The following KIAA1671 variants were observed in gnomAD, a reference collection of about 807,000 sequenced individuals.
KIAA1671 encodes the protein KIAA1671.
KIAA1671 carries 52 observed loss-of-function variants against 131.2 expected under a neutral mutation model. The observed-to-expected ratio is 0.40, with a 90% CI of 0.32 to 0.50. The LOEUF (loss-of-function observed/expected upper bound fraction) is 0.50, where lower values mean the gene tolerates loss of function less well. Among genes scored for constraint, KIAA1671 ranks in the 20% least tolerant of loss-of-function variants. The probability of loss-of-function intolerance (pLI) is 0.73; values close to 1 mark genes in which losing one functional copy is unlikely to be tolerated. For missense variants in KIAA1671, 2,360 were observed against 2,364.2 expected (o/e 1.00, Z 0.04); for synonymous variants, 1,003 against 961.6 (o/e 1.04, Z -0.80).
intron 6 of KIAA1671, among the ~76,000 whole-genome samples, chr22:25,123,478 T>TACC (rs1376246263): frequency 6.6e-6 from 1 of 152,106 alleles, no homozygotes; most frequent in Non-Finnish European, 1.5e-5. Flanking sequence ...AGGCGTGAGC[T>TACC]ACCGTGCCCG....
At chr22:24,967,969 G>A (rs1453113031) in intron 1 of KIAA1671, among the ~76,000 whole-genome samples, 1 of 152,114 alleles carries the variant, frequency 6.6e-6, no homozygotes, top group Non-Finnish European at 1.5e-5. Flanking sequence ...CTCCAGCCTG[G>A]GCGACAGAGT....
chr22:25,119,048 C>G (rs1931814127), intron 6 of KIAA1671, among the ~76,000 whole-genome samples: 8 of 152,186 alleles, frequency 5.3e-5, no homozygotes, highest in Admixed American at 5.2e-4. Context: ...CTGGTTTATT[C>G]TCTGACTCCT....
chr22:25,077,457 C>T (rs1033940251), intron 6 of KIAA1671, among the ~76,000 whole-genome samples: 1 of 152,184 alleles, frequency 6.6e-6, no homozygotes, highest in African/African-American at 2.4e-5. Context: ...CCTCCTGTCC[C>T]ATGCTCTTCC....
intron 6 of KIAA1671, among the ~76,000 whole-genome samples, chr22:25,069,563 G>C (rs963281157): frequency 1.5e-4 from 22 of 151,604 alleles, no homozygotes; most frequent in Non-Finnish European, 2.6e-4. Context: ...GGGAGGCCTG[G>C]GTTCCAGCCT....
intron 6 of KIAA1671, among the ~76,000 whole-genome samples, chr22:25,093,792 C>T (rs8139005): frequency 2.0e-5 from 2 of 101,198 alleles, no homozygotes; most frequent in Non-Finnish European, 4.3e-5. Context: ...CTCTCTCTCT[C>T]TCTCTCTCTC....
intron 1 of KIAA1671, among the ~76,000 whole-genome samples, chr22:25,003,691 C>T (rs1049145153): frequency 2.6e-5 from 4 of 152,010 alleles, no homozygotes; most frequent in African/African-American, 9.7e-5. Context: ...GGATTACAGG[C>T]GTGAACCACT....
intron 1 of KIAA1671, among the ~76,000 whole-genome samples, chr22:24,983,971 T>C (rs1198236531): frequency 1.3e-5 from 2 of 151,770 alleles, no homozygotes; most frequent in African/African-American, 4.8e-5. Context: ...AGAGATGGGG[T>C]GTCTCCATGT....
chr22:25,042,663 C>T (rs1023212861), intron 5 of KIAA1671, among the ~76,000 whole-genome samples: 32 of 151,340 alleles, frequency 2.1e-4, no homozygotes, highest in African/African-American at 6.3e-4. Flanking sequence ...TTAGTAGAGA[C>T]GGGGTTTCAC....
rs1812448387 is a variant in KIAA1671 at position 25,039,322 on chromosome 22, C to A, written c.2192C>A (p.Pro731His). Residue 731 changes from proline to histidine, a missense_variant, in exon 5 of 13, where the codon CCC becomes CAC. Physicochemically the swap from Pro to His is moderately conservative, Grantham distance 77. Around this residue, in one of 3 missense-constraint regions of KIAA1671, gnomAD observed 1,185 missense variants for 1,126.2 expected, o/e 1.05. Coordinates refer to ENST00000358431, the MANE Select transcript of KIAA1671 (RefSeq NM_001145206.2). ...CCTCCCACATCGCAGAGAATTGAGCCCAGATATGACATTGTGCATGCAGTG... is the reference window on the plus strand; with the variant it reads ...CCTCCCACATCGCAGAGAATTGAGCACAGATATGACATTGTGCATGCAGTG... ...ENPPTSQRIE[P>H]RYDIVHAVGE... 1.3e-6 allele frequency: 2 copies of A among 1,551,934 alleles called. No individual in the cohort carries two copies. Among genetic ancestry groups the A allele is most frequent in the South Asian group, 2.4e-5 (2 of 84,072 alleles).
intron 8 of KIAA1671, 174 bp from the exon 9 acceptor site, chr22:25,177,174 G>C (rs1934061908): frequency 1.6e-6 from 1 of 633,720 alleles, no homozygotes; most frequent in African/African-American, 1.8e-5. Flanking sequence ...TGTTTTATGG[G>C]GAAATTTAGG....
intron 6 of KIAA1671, among the ~76,000 whole-genome samples, chr22:25,086,011 A>G (rs755554508): frequency 2.0e-5 from 3 of 152,186 alleles, no homozygotes; most frequent in Admixed American, 6.5e-5. Flanking sequence ...AGGAGTTTCC[A>G]TCAATGAATG....
intron 6 of KIAA1671, among the ~76,000 whole-genome samples, chr22:25,088,928 C>G (rs1929876670): frequency 6.6e-6 from 1 of 152,176 alleles, no homozygotes; most frequent in Non-Finnish European, 1.5e-5. Flanking sequence ...CCCTTTGTAT[C>G]CATGGTTTCC....
chr22:25,018,316 G>A (rs1304139250), intron 1 of KIAA1671, among the ~76,000 whole-genome samples: 5 of 152,142 alleles, frequency 3.3e-5, no homozygotes, highest in African/African-American at 9.6e-5. Context: ...GCCCCCCGAC[G>A]TGGTAATTAG....
intron 6 of KIAA1671, among the ~76,000 whole-genome samples, chr22:25,105,737 G>A (rs1930965373): frequency 6.6e-6 from 1 of 151,330 alleles, no homozygotes; most frequent in African/African-American, 2.4e-5. Flanking sequence ...CTGCCATTTG[G>A]TCTCTGCTTT....
Position 25,195,798 on chromosome 22 carries a change from C to A in KIAA1671, c.*3397C>A, listed in dbSNP as rs978247729. 1.3e-5 allele frequency: 2 copies of A among 151,780 alleles called. No homozygotes were observed. The highest frequency in any genetic ancestry group is 4.8e-5 in the African/African-American group (2 of 41,410). The allele number at this position is 151,780 out of a possible 1,614,324, so 9.4% of individuals were successfully genotyped here. A position where few individuals can be genotyped will look rare whatever the true frequency, so the allele number is the denominator to read the frequency against. On this transcript the variant is annotated 3_prime_UTR_variant, in exon 13 of 13. Transcript: ENST00000358431. ...AGTCGTAATTGCAAACTGTAAAAAT[C>A]CCTCCTCCCCAGTGTAGATATTTAA...
chr22:24,990,213 C>G (rs1344970542), intron 1 of KIAA1671, among the ~76,000 whole-genome samples: 1 of 152,136 alleles, frequency 6.6e-6, no homozygotes, highest in African/African-American at 2.4e-5. Flanking sequence ...GCCTCAGCCT[C>G]CCAAGTAGCT....
chr22:24,980,874 G>A (rs1333526744), intron 1 of KIAA1671, among the ~76,000 whole-genome samples: 1 of 151,946 alleles, frequency 6.6e-6, no homozygotes, highest in African/African-American at 2.4e-5. Context: ...AGCCTCCTGA[G>A]TAGCTGGGAT....
intron 6 of KIAA1671, chr22:25,052,249 G>A (rs1927572046): frequency 6.6e-6 from 1 of 152,350 alleles, no homozygotes; most frequent in African/African-American, 2.4e-5. Flanking sequence ...GCTCAGCCCG[G>A]GGTTGGCCAT....
At chr22:25,110,729 T>C (rs931009359) in intron 6 of KIAA1671, among the ~76,000 whole-genome samples, 4 of 152,118 alleles carry the variant, frequency 2.6e-5, no homozygotes, top group Admixed American at 2.6e-4. Context: ...CAGTGGGTGT[T>C]AGGGTCTAGT....
Sources: allele counts gnomAD v4.1 joint callset (sites outside exome capture counted in the v4.1 genomes callset), GRCh38; gene constraint gnomAD v4.1.1; regional missense constraint gnomAD v4.1.1; transcripts MANE v1.5; gene names NCBI Gene and HGNC (gene_info 2026-07-23, HGNC 2026-07-21).